The following SRSF11 variants were observed in gnomAD, a reference collection of about 807,000 sequenced individuals.
The protein encoded by SRSF11 is serine and arginine rich splicing factor 11.
A neutral mutation model predicts 56.0 loss-of-function variants in SRSF11; 9 were observed. The observed-to-expected ratio is 0.16, with a 90% CI of 0.10 to 0.28. SRSF11 has a LOEUF of 0.28. Ranked by LOEUF, SRSF11 falls within the 10% of genes least tolerant of loss-of-function variation. SRSF11 has a pLI of 1.00. For missense variants in SRSF11, 421 were observed against 600.7 expected, an observed-to-expected ratio of 0.70 and a Z score of 3.13; for synonymous variants, 222 against 215.3, an observed-to-expected ratio of 1.03 and a Z score of -0.27.
In SRSF11 at chr1:70,238,126, G is replaced by A. The variant is rs114114643; in HGVS notation, c.718+574G>A. On this transcript the variant is annotated intron_variant, in intron 6 of 11. Coordinates refer to ENST00000370949, the MANE Select transcript of SRSF11 (RefSeq NM_001350605.2). ...AATAAATGGGAATGTTTTTTAATGTGCCTATTGTTAGGAAAATAATTTTAA... is the reference window on the plus strand; with the variant it reads ...AATAAATGGGAATGTTTTTTAATGTACCTATTGTTAGGAAAATAATTTTAA... 3.8e-3 allele frequency among the ~76,000 whole-genome samples: 584 copies of A among 152,152 alleles called. 4 individuals carry two copies. The highest frequency in any genetic ancestry group is 0.013 in the African/African-American group (544 of 41,508).
chr1:70,220,663 A>G (rs1670450820), upstream of SRSF11, among the ~76,000 whole-genome samples: 1 of 152,140 alleles, frequency 6.6e-6, no homozygotes, highest in African/African-American at 2.4e-5. Context: ...CAGCCTGGCC[A>G]ACATGGTGAA....
chr1:70,230,857 C>G (rs920359708), intron 2 of SRSF11: 42 of 1,171,474 alleles, frequency 3.6e-5, no homozygotes, highest in Non-Finnish European at 4.4e-5. Context: ...CAAAATTATC[C>G]CATAATCTTT....
intron 1 of SRSF11, among the ~76,000 whole-genome samples, chr1:70,225,572 G>C (rs1245756342): frequency 6.6e-6 from 1 of 152,164 alleles, no homozygotes; most frequent in Non-Finnish European, 1.5e-5. Context: ...ACGTTAGTAG[G>C]CATGAATACC....
Position 70,223,641 on chromosome 1 carries a change from T to G in SRSF11, c.203+1802T>G, listed in dbSNP as rs1671124986. 2.0e-5 allele frequency among the ~76,000 whole-genome samples: 3 copies of G among 152,348 alleles called. No homozygotes were observed. The South Asian group carries it at 6.2e-4, about 32-fold the overall frequency. On this transcript the variant is annotated intron_variant, in intron 1 of 11. Coordinates refer to ENST00000370949, the MANE Select transcript of SRSF11 (RefSeq NM_001350605.2). ...TTCCCACATACAAGATCATTTTGTC[T>G]TTTAAAATGTACAAGGTTACAATAA...
rs146582541 is a variant in SRSF11 at position 70,250,136 on chromosome 1, T to C, written c.1118+89T>C. On this transcript the variant is annotated intron_variant, in intron 10 of 11. Coordinates refer to ENST00000370949, the MANE Select transcript of SRSF11 (RefSeq NM_001350605.2). ...GTCCTGTAGTTTTTCTTTTCAGCAG[T>C]TACAGTTCTTAAGAATGTTTTAATG... is the stretch of plus-strand genomic sequence containing the variant. 1.7e-5 allele frequency: 23 copies of C among 1,332,846 alleles called. No individual in the cohort carries two copies. In the East Asian group the frequency reaches 3.5e-4, roughly 20 times the overall value. 82.6% of individuals were successfully genotyped at this position (1,332,846 alleles called of 1,614,324 possible).
intron 7 of SRSF11, among the ~76,000 whole-genome samples, chr1:70,243,357 A>G (rs1302259891): frequency 1.4e-5 from 2 of 140,820 alleles, no homozygotes; most frequent in African/African-American, 5.9e-5. Flanking sequence ...AAAAAAAAAA[A>G]AAAAAAAAAA....
Position 70,212,917 on chromosome 1 carries a change from C to T in SRSF11, c.-26+7137C>T, listed in dbSNP as rs545847653. Among the ~76,000 whole-genome samples, 6 of 151,130 alleles carry T rather than the reference C, an allele frequency of 4.0e-5. No homozygotes were observed. In the South Asian group the frequency reaches 8.4e-4, roughly 21 times the overall value. On this transcript the variant is annotated intron_variant, in intron 1 of 12. Coordinates refer to the SRSF11 transcript ENST00000370950. The stretch of plus-strand genomic sequence containing the variant: ...AGTTTAAAATATTAGCTGGGTGTGG[C>T]GGCGTGAGCCTATAGTCCCAGCTAC...
At chr1:70,232,200 C>T in intron 2 of SRSF11, 68 bp from the exon 3 acceptor site, 1 of 1,611,580 alleles carries the variant, frequency 6.2e-7, no homozygotes, top group Non-Finnish European at 8.5e-7. Flanking sequence ...GAGACATTTT[C>T]TGGGTGTTTT....
rs1321755967 is a variant in SRSF11 at position 70,207,972 on chromosome 1, A to G, written c.-26+2192A>G. 3.9e-5 allele frequency among the ~76,000 whole-genome samples: 6 copies of G among 152,082 alleles called. No individual in the cohort carries two copies. In the East Asian group the frequency reaches 9.7e-4, roughly 24 times the overall value. Reference sequence around the variant, plus strand: ...GCTATCCTTCCATCTAGGGCCTTCCATAGCACTGGGATTACAGGCATGAGC... The same window carrying G: ...GCTATCCTTCCATCTAGGGCCTTCCGTAGCACTGGGATTACAGGCATGAGC... On this transcript the variant is annotated intron_variant, in intron 1 of 12. Coordinates refer to the SRSF11 transcript ENST00000370950.
upstream of SRSF11, chr1:70,221,156 CT>C (rs560945771): frequency 1.0e-3 from 163 of 155,558 alleles, no homozygotes; most frequent in African/African-American, 3.6e-3. Flanking sequence ...AGGATGAATG[CT>C]TTTTTTAAAA....
intron 3 of SRSF11, among the ~76,000 whole-genome samples, chr1:70,232,877 CACTG>C (rs1007374149): frequency 3.3e-5 from 5 of 152,310 alleles, no homozygotes; most frequent in Admixed American, 3.3e-4. Flanking sequence ...GTGTTTCTAA[CACTG>C]ACAGTGCTGT....
At chr1:70,232,432 A>C (rs766125233) in intron 3 of SRSF11, 55 bp downstream of exon 3, 269 of 1,371,024 alleles carry the variant, frequency 2.0e-4, no homozygotes, top group Non-Finnish European at 2.5e-4. Context: ...ATTGTGCATA[A>C]AGCTAAACAT....
rs374103194 is a variant in SRSF11 at position 70,228,540 on chromosome 1, G to A, written c.322G>A (p.Val108Ile). The A allele has an allele frequency of 7.4e-6, 12 of 1,612,836 alleles. 1 individual carries two copies. The highest frequency in any genetic ancestry group is 1.7e-4 in the Middle Eastern group (1 of 6,056). Residue 108 changes from valine to isoleucine, a missense_variant, in exon 2 of 12, where the codon GTA becomes ATA. Physicochemically the swap from Val to Ile is conservative, Grantham distance 29. Around this residue, in one of 2 missense-constraint regions of SRSF11, gnomAD observed 168 missense variants for 294.9 expected, o/e 0.57. Transcript: ENST00000370949. ...TVFVDRALIVVPYAEGVIPDE... is the reference protein window; with the variant it reads ...TVFVDRALIVIPYAEGVIPDE... ...ATTCGTTGACAGAGCTTTGATAGTC[G>A]TACCATATGCAGAAGGTTTGTGCTT...
chr1:70,246,593 T>G, intron 8 of SRSF11: 1 of 349,748 alleles, frequency 2.9e-6, no homozygotes. Flanking sequence ...CATAGTCTAC[T>G]TTAGTCTACT....
intron 1 of SRSF11, among the ~76,000 whole-genome samples, chr1:70,206,225 T>G (rs1244016773): frequency 6.6e-6 from 1 of 152,232 alleles, no homozygotes; most frequent in Non-Finnish European, 1.5e-5. Context: ...TAGTGGTACA[T>G]GCTTTAGTGA....
In SRSF11 at chr1:70,252,146, A is replaced by G. The variant is rs1678046067; in HGVS notation, c.*1341A>G. 2 of 152,468 alleles carry G rather than the reference A, an allele frequency of 1.3e-5. No homozygotes were observed. The highest frequency in any genetic ancestry group is 4.8e-5 in the African/African-American group (2 of 41,438). 9.4% of individuals were successfully genotyped at this position (152,468 alleles called of 1,614,324 possible). Reference sequence around the variant, plus strand: ...GAGGAAGTCTATCACTGTAGTGATAATTGCCATCAAAATTGTCAAAAATGA... The same window carrying G: ...GAGGAAGTCTATCACTGTAGTGATAGTTGCCATCAAAATTGTCAAAAATGA... On this transcript the variant is annotated 3_prime_UTR_variant, in exon 12 of 12. Coordinates refer to ENST00000370949, the MANE Select transcript of SRSF11 (RefSeq NM_001350605.2).
chr1:70,219,997 A>T (rs1483764782), upstream of SRSF11, among the ~76,000 whole-genome samples: 2 of 152,220 alleles, frequency 1.3e-5, no homozygotes, highest in Non-Finnish European at 2.9e-5. Context: ...AAAACATTCA[A>T]GGTCAAGTGA....
At chr1:70,224,541 C>G (rs1188894680) in intron 1 of SRSF11, among the ~76,000 whole-genome samples, 1 of 152,122 alleles carries the variant, frequency 6.6e-6, no homozygotes, top group African/African-American at 2.4e-5. Flanking sequence ...CTCACCCACA[C>G]CTACTGAAGC....
Position 70,232,340 on chromosome 1 carries a change from G to A in SRSF11, c.410G>A (p.Gly137Asp), listed in dbSNP as rs1672990797. 1 of 1,614,104 alleles carries A rather than the reference G, an allele frequency of 6.2e-7. No homozygotes were observed. Among genetic ancestry groups the A allele is most frequent in the Non-Finnish European group, 8.5e-7 (1 of 1,179,998 alleles). ...PANAVAGLLP[G>D]GGLLPTPNPL... is the part of the protein sequence containing the mutation. ...AATGCAGTGGCAGGTCTTCTGCCTG[G>A]TGGTGGACTCCTGCCTACTCCTAAC... Residue 137 changes from glycine (G) to aspartate (D), a missense_variant, in exon 3 of 12, where the codon GGT (glycine) becomes GAT (aspartate). Gly to Asp is a moderately conservative substitution (Grantham distance 94, BLOSUM62 -1). Coordinates refer to ENST00000370949, the MANE Select transcript of SRSF11 (RefSeq NM_001350605.2).
Sources: allele counts gnomAD v4.1 joint callset (sites outside exome capture counted in the v4.1 genomes callset), GRCh38; gene constraint gnomAD v4.1.1; regional missense constraint gnomAD v4.1.1; transcripts MANE v1.5; gene names NCBI Gene and HGNC (gene_info 2026-07-23, HGNC 2026-07-21).